CDC25A: variants seen among roughly 807,000 people sequenced by gnomAD.
CDC25A encodes the protein cell division cycle 25A, also known as M-phase inducer phosphatase 1.
CDC25A carries 17 observed loss-of-function variants against 64.6 expected under a neutral mutation model. The observed-to-expected ratio is 0.26, with a 90% confidence interval of 0.18 to 0.39. CDC25A has a LOEUF of 0.39. Ranked by LOEUF, CDC25A falls within the 10% of genes least tolerant of loss-of-function variation. The pLI is 1.00. For missense variants in CDC25A, 473 were observed against 654.8 expected, an observed-to-expected ratio of 0.72 and a Z score of 3.03; for synonymous variants, 229 against 238.6, an observed-to-expected ratio of 0.96 and a Z score of 0.37.
rs146327020 is a variant in CDC25A at position 48,164,369 on chromosome 3, A to C, written c.1260T>G (p.Thr420=). ...ACACAACAATGACACGCTTGCCATC[A>C]GTAGGTACAATGGGCTTCTTCAATA... is the stretch of plus-strand genomic sequence containing the variant. ...DFLLKKPIVP[T]DGKRVIVVFH... The change falls in exon 13 of 15, where the codon ACT becomes ACG. Residue 420 remains threonine (T), a synonymous_variant. Coordinates refer to ENST00000302506, the MANE Select transcript of CDC25A (RefSeq NM_001789.3). The C allele has an allele frequency of 2.7e-5, 44 of 1,603,580 alleles. No homozygotes were observed. The highest frequency in any genetic ancestry group is 1.6e-4 in the Middle Eastern group (1 of 6,062).
chr3:48,183,419 G>C (rs1047776885), intron 4 of CDC25A, among the ~76,000 whole-genome samples: 3 of 152,216 alleles, frequency 2.0e-5, no homozygotes, highest in Non-Finnish European at 2.9e-5. Flanking sequence ...GAAAGGCTGG[G>C]AATAGTGGCT....
rs1192783624 is a variant in CDC25A, at chr3:48,165,848, A to C, written c.1075T>G (p.Tyr359Asp). The change falls in exon 11 of 15, where the codon TAC (tyrosine) becomes GAC (aspartate). Residue 359 changes from tyrosine to aspartate, a missense_variant. Tyr to Asp is a radical substitution (Grantham distance 160). This residue lies in a region of CDC25A where 97 missense variants were observed against 223.0 expected (regional missense o/e 0.43). Coordinates refer to ENST00000302506, the MANE Select transcript of CDC25A (RefSeq NM_001789.3). ...GGACTTACAATTTCTGGAGAGATGT[A>C]TTTTAAATCCTGATGTTTCCCAGCA... Reference protein sequence around the residue: ...TVAGKHQDLKYISPEIMASVL... With the variant: ...TVAGKHQDLKDISPEIMASVL... 1 of 1,609,648 alleles carries C rather than the reference A, an allele frequency of 6.2e-7. No individual in the cohort carries two copies. Among genetic ancestry groups the C allele is most frequent in the Non-Finnish European group, 8.5e-7 (1 of 1,175,882 alleles).
chr3:48,176,094 G>A (rs1470645563), intron 8 of CDC25A, among the ~76,000 whole-genome samples: 4 of 152,210 alleles, frequency 2.6e-5, no homozygotes, highest in Non-Finnish European at 4.4e-5. Flanking sequence ...CTTGAACCCA[G>A]GAGGCAGAGG....
At chr3:48,184,059 TAC>T (rs1488598435) in intron 3 of CDC25A, among the ~76,000 whole-genome samples, 1 of 152,012 alleles carries the variant, frequency 6.6e-6, no homozygotes, top group Non-Finnish European at 1.5e-5. Context: ...TTTCTTAAAA[TAC>T]ACACATTCGG....
At chr3:48,160,950 G>A (rs9862131) in intron 13 of CDC25A, among the ~76,000 whole-genome samples, 39,842 of 151,308 alleles carry the variant, frequency 0.26, 5,577 homozygotes, top group Non-Finnish European at 0.3. Context: ...TCAGGAGTTC[G>A]AGACCAGCCT....
intron 8 of CDC25A, among the ~76,000 whole-genome samples, chr3:48,175,412 G>A (rs763910877): frequency 6.6e-6 from 1 of 152,200 alleles, no homozygotes; most frequent in East Asian, 1.9e-4. Context: ...TCGACTCCAT[G>A]TGTCTTGGCC....
chr3:48,181,113 T>C (rs1054409509), intron 5 of CDC25A, among the ~76,000 whole-genome samples: 1 of 152,282 alleles, frequency 6.6e-6, no homozygotes. Context: ...ATCACAAACT[T>C]TCTGAAATCT....
intron 13 of CDC25A, 25 bp from the exon 14 acceptor site, chr3:48,159,480 G>C (rs1188398128): frequency 6.5e-7 from 1 of 1,543,120 alleles, no homozygotes; most frequent in Non-Finnish European, 9.0e-7. Context: ...GAAGGCCAAA[G>C]CAGGGTTAGC....
rs367917762 is a variant in CDC25A at position 48,174,151 on chromosome 3, C to CCA, written c.930+131_930+132dup. 305 of 704,906 alleles carry CCA rather than the reference C, an allele frequency of 4.3e-4. 1 individual carries two copies. Among genetic ancestry groups the CCA allele is most frequent in the Non-Finnish European group, 4.9e-4 (214 of 437,418 alleles). 43.7% of individuals were successfully genotyped at this position (704,906 alleles called of 1,614,324 possible). A position where few individuals can be genotyped will look rare whatever the true frequency, so the allele number is the denominator to read the frequency against. On this transcript the variant is annotated intron_variant, in intron 9 of 14. Coordinates refer to ENST00000302506, the MANE Select transcript of CDC25A (RefSeq NM_001789.3). Reference sequence around the variant, plus strand: ...TCTATTAAAAGAAACACACACACACCCACACACACACACAACCCCACAAAA... The same window carrying CCA: ...TCTATTAAAAGAAACACACACACACCCACACACACACACACAACCCCACAAAA...
intron 8 of CDC25A, among the ~76,000 whole-genome samples, chr3:48,175,436 T>C (rs3731516): frequency 0.011 from 1,612 of 152,370 alleles, 15 homozygotes; most frequent in Non-Finnish European, 0.014. Flanking sequence ...CTTTTCCTTC[T>C]GCACAGAATG....
intron 9 of CDC25A, among the ~76,000 whole-genome samples, chr3:48,172,008 A>AT (rs932305531): frequency 4.0e-5 from 6 of 151,758 alleles, no homozygotes; most frequent in South Asian, 2.1e-4. Flanking sequence ...ATAAAAAAAA[A>AT]TTTTTTTTAA....
chr3:48,187,328 T>C (rs1450022238), intron 1 of CDC25A, among the ~76,000 whole-genome samples: 1 of 152,216 alleles, frequency 6.6e-6, no homozygotes, highest in Non-Finnish European at 1.5e-5. Flanking sequence ...GAGATGATTT[T>C]ACATAAACGC....
intron 4 of CDC25A, among the ~76,000 whole-genome samples, chr3:48,183,304 A>C (rs2032731733): frequency 6.6e-6 from 1 of 152,204 alleles, no homozygotes; most frequent in Non-Finnish European, 1.5e-5. Context: ...TCAATCCCCA[A>C]ATAACATTTG....
rs1278021146 is a variant in CDC25A at position 48,165,538 on chromosome 3, G to C, written c.1191+98C>G. 5 of 763,688 alleles carry C rather than the reference G, an allele frequency of 6.5e-6. No homozygotes were observed. The African/African-American group carries it at 8.7e-5, about 13-fold the overall frequency. 47.3% of individuals were successfully genotyped at this position (763,688 alleles called of 1,614,324 possible). ...TATTGTTTCAAAATTCTAACAACTA[G>C]CATATGAGCTAAGTGGCCAGGTGTC... On this transcript the variant is annotated intron_variant, in intron 12 of 14. Transcript: ENST00000302506.
chr3:48,181,663 C>A, intron 5 of CDC25A: 1 of 1,118,918 alleles, frequency 8.9e-7, no homozygotes, highest in Non-Finnish European at 1.4e-6. Flanking sequence ...TAACTACCTT[C>A]CGGAACAAGA....
At chr3:48,165,922 A>T (rs766282225) in intron 10 of CDC25A, 29 bp from the exon 11 acceptor site, 21 of 1,394,630 alleles carry the variant, frequency 1.5e-5, no homozygotes. Context: ...TACTTAGAGA[A>T]TCTGAAAGCC....
rs113611701 is a variant in CDC25A at position 48,169,534 on chromosome 3, T to G, written c.931-1590A>C. 5.3e-3 allele frequency among the ~76,000 whole-genome samples: 813 copies of G among 152,224 alleles called. 6 individuals carry two copies. Among genetic ancestry groups the G allele is most frequent in the Admixed American group, 9.7e-3 (149 of 15,290 alleles). ...CAAATGACTTGAGCTCTTCAACAAA[T>G]AAAAATATGCAAGAGGGAAACAGAT... On this transcript the variant is annotated intron_variant, in intron 9 of 14. Coordinates refer to ENST00000302506, the MANE Select transcript of CDC25A (RefSeq NM_001789.3).
chr3:48,183,328 C>T (rs1424919308), intron 4 of CDC25A, among the ~76,000 whole-genome samples: 1 of 152,190 alleles, frequency 6.6e-6, no homozygotes, highest in Non-Finnish European at 1.5e-5. Context: ...CAAAAGAACC[C>T]TTCCTGGTTT....
At chr3:48,176,351 G>C (rs2032455325) in intron 8 of CDC25A, among the ~76,000 whole-genome samples, 1 of 151,736 alleles carries the variant, frequency 6.6e-6, no homozygotes, top group South Asian at 2.1e-4. Flanking sequence ...TTCTAACTTT[G>C]AAAGTATCCC....
Sources: allele counts gnomAD v4.1 joint callset (sites outside exome capture counted in the v4.1 genomes callset), GRCh38; gene constraint gnomAD v4.1.1; regional missense constraint gnomAD v4.1.1; transcripts MANE v1.5; gene names NCBI Gene and HGNC (gene_info 2026-07-23, HGNC 2026-07-21).